The following GFRA1 variants were observed in gnomAD, a reference collection of about 807,000 sequenced individuals.
GFRA1 encodes the protein GDNF family receptor alpha-1.
A neutral mutation model predicts 51.6 loss-of-function variants in GFRA1; 16 were observed. That is an observed-to-expected ratio of 0.31 (90% confidence interval 0.21 to 0.47). The LOEUF (loss-of-function observed/expected upper bound fraction) is 0.47, where lower values mean the gene tolerates loss of function less well. Ranked by LOEUF, GFRA1 falls within the 20% of genes least tolerant of loss-of-function variation. GFRA1 has a pLI of 1.00. For synonymous variants in GFRA1, 270 were observed against 241.3 expected, an observed-to-expected ratio of 1.12 and a Z score of -1.10; for missense variants, 530 against 594.3, an observed-to-expected ratio of 0.89 and a Z score of 1.13.
chr10:116,240,755 A>T (rs1439422537), intron 4 of GFRA1, among the ~76,000 whole-genome samples: 2 of 152,180 alleles, frequency 1.3e-5, no homozygotes, highest in Admixed American at 6.5e-5. Context: ...GGCATTCCAC[A>T]CAGTGCTTGG....
At chr10:116,100,854 G>A (rs970097705) in intron 6 of GFRA1, among the ~76,000 whole-genome samples, 5 of 152,152 alleles carry the variant, frequency 3.3e-5, no homozygotes, top group South Asian at 2.1e-4. Context: ...GAGGATGCCC[G>A]GAAATGTGGA....
At chr10:116,123,284 G>T (rs930876258) in intron 6 of GFRA1, among the ~76,000 whole-genome samples, 1 of 152,210 alleles carries the variant, frequency 6.6e-6, no homozygotes, top group African/African-American at 2.4e-5. Context: ...TGGAAGTGAG[G>T]AAGGGTCCTT....
At chr10:116,147,142 C>T (rs1331300455) in intron 5 of GFRA1, among the ~76,000 whole-genome samples, 1 of 152,018 alleles carries the variant, frequency 6.6e-6, no homozygotes, top group Non-Finnish European at 1.5e-5. Flanking sequence ...TTTACATTTG[C>T]TTGCATATTT....
intron 5 of GFRA1, among the ~76,000 whole-genome samples, chr10:116,137,845 A>G (rs1958397174): frequency 6.6e-6 from 1 of 152,162 alleles, no homozygotes. Flanking sequence ...TCTGTTGCCC[A>G]GGCTAGAGTG....
intron 4 of GFRA1, among the ~76,000 whole-genome samples, chr10:116,215,868 C>G (rs1965526421): frequency 6.6e-6 from 1 of 152,150 alleles, no homozygotes. Context: ...TGTTCTCCTG[C>G]CCACCCCCGG....
chr10:116,270,718 C>T, intron 3 of GFRA1, 104 bp downstream of exon 3: 1 of 935,896 alleles, frequency 1.1e-6, no homozygotes, highest in Non-Finnish European at 1.7e-6. Flanking sequence ...CACTCTGCAG[C>T]TGGGGAGAAG....
rs141371460 is a variant in GFRA1, at chr10:116,233,124, C to T, written c.419-21479G>A. Among the ~76,000 whole-genome samples the T allele has an allele frequency of 3.0e-3, 448 of 150,716 alleles. 1 individual carries two copies. Among genetic ancestry groups the T allele is most frequent in the African/African-American group, 0.011 (433 of 40,136 alleles). ...GGCAGATCACTTGCGGTCAGGAGTT[C>T]GAGACCAGCCTGGTCAACATGGCAA... On this transcript the variant is annotated intron_variant, in intron 4 of 10. Coordinates refer to ENST00000355422, the MANE Select transcript of GFRA1 (RefSeq NM_005264.8).
At chr10:116,066,250 C>T (rs1955107562) in intron 9 of GFRA1, among the ~76,000 whole-genome samples, 1 of 152,114 alleles carries the variant, frequency 6.6e-6, no homozygotes, top group South Asian at 2.1e-4. Context: ...TCTTGGGGCT[C>T]CTCTCTAGTG....
chr10:116,147,814 G>A (rs907147018), intron 5 of GFRA1, among the ~76,000 whole-genome samples: 32 of 152,060 alleles, frequency 2.1e-4, no homozygotes, highest in African/African-American at 7.5e-4. Context: ...TAGACCCTCC[G>A]CTATTCTCAC....
chr10:116,096,404 C>T (rs1306927717), intron 7 of GFRA1, among the ~76,000 whole-genome samples: 1 of 152,182 alleles, frequency 6.6e-6, no homozygotes, highest in Non-Finnish European at 1.5e-5. Flanking sequence ...CGTCTGCGCA[C>T]TTGCAGCCTC....
chr10:116,185,699 C>T (rs116511134), intron 5 of GFRA1, among the ~76,000 whole-genome samples: 1 of 152,174 alleles, frequency 6.6e-6, no homozygotes, highest in Admixed American at 6.5e-5. Context: ...GGCTTCTCCC[C>T]CTCCCTGTCC....
intron 5 of GFRA1, among the ~76,000 whole-genome samples, chr10:116,168,022 TA>T (rs1960657703): frequency 6.6e-6 from 1 of 152,124 alleles, no homozygotes; most frequent in Admixed American, 6.5e-5. Context: ...ATGACTGCAC[TA>T]AAATCTCAGA....
chr10:116,073,789 G>A (rs1180445678), intron 9 of GFRA1, among the ~76,000 whole-genome samples: 2 of 152,082 alleles, frequency 1.3e-5, no homozygotes, highest in East Asian at 3.9e-4. Flanking sequence ...ATTCTCCTGT[G>A]CATTTATGTG....
chr10:116,111,541 G>C (rs1016455621), intron 6 of GFRA1, among the ~76,000 whole-genome samples: 14 of 152,234 alleles, frequency 9.2e-5, no homozygotes, highest in African/African-American at 2.2e-4. Flanking sequence ...TATCCGACCT[G>C]GGCTGCCAGC....
intron 9 of GFRA1, among the ~76,000 whole-genome samples, chr10:116,087,151 G>A (rs906223486): frequency 9.2e-5 from 14 of 152,186 alleles, no homozygotes; most frequent in South Asian, 2.1e-4. Context: ...TGATGTTGCC[G>A]GGACAACCCT....
At chr10:116,122,792 A>G (rs1241944850) in intron 6 of GFRA1, among the ~76,000 whole-genome samples, 1 of 152,218 alleles carries the variant, frequency 6.6e-6, no homozygotes, top group Non-Finnish European at 1.5e-5. Flanking sequence ...GCCATCGTTC[A>G]ATAGATGGAA....
intron 4 of GFRA1, among the ~76,000 whole-genome samples, chr10:116,259,918 A>G (rs1333032988): frequency 6.6e-6 from 1 of 152,218 alleles, no homozygotes; most frequent in African/African-American, 2.4e-5. Context: ...TAAGTCTGTG[A>G]AAAGGCAGCT....
chr10:116,258,500 A>G (rs1047224938), intron 4 of GFRA1, among the ~76,000 whole-genome samples: 1 of 149,540 alleles, frequency 6.7e-6, no homozygotes, highest in African/African-American at 2.4e-5. Context: ...TAATATATAT[A>G]TTATATGCAT....
chr10:116,203,733 C>T (rs941544729), intron 5 of GFRA1, among the ~76,000 whole-genome samples: 1 of 152,212 alleles, frequency 6.6e-6, no homozygotes, highest in Non-Finnish European at 1.5e-5. Context: ...CCCCAGTGAG[C>T]AACAATCTCA....
Sources: allele counts gnomAD v4.1 joint callset (sites outside exome capture counted in the v4.1 genomes callset), GRCh38; gene constraint gnomAD v4.1.1; transcripts MANE v1.5; gene names NCBI Gene and HGNC (gene_info 2026-07-23, HGNC 2026-07-21).